DAP: variants seen among roughly 807,000 people sequenced by gnomAD.
The protein encoded by DAP is death-associated protein 1.
DAP carries 8 observed loss-of-function variants against 13.8 expected under a neutral mutation model. The ratio of observed to expected loss-of-function variants is 0.58; its 90% CI spans 0.34 to 1.05. The LOEUF (loss-of-function observed/expected upper bound fraction) is 1.05, where lower values mean the gene tolerates loss of function less well. Ranked by LOEUF, DAP falls within the 50% of genes least tolerant of loss-of-function variation. The pLI is 0.03. For synonymous variants in DAP, 47 were observed against 47.5 expected (o/e 0.99, Z 0.04); for missense variants, 106 against 133.2 (o/e 0.80, Z 1.01).
intron 2 of DAP, among the ~76,000 whole-genome samples, chr5:10,744,240 G>A (rs750944557): frequency 6.6e-6 from 1 of 152,176 alleles, no homozygotes; most frequent in Non-Finnish European, 1.5e-5. Context: ...GGCATTTGGT[G>A]TTAGGTACTC....
At chr5:10,702,169 C>T (rs1561012833) in intron 2 of DAP, among the ~76,000 whole-genome samples, 1 of 152,190 alleles carries the variant, frequency 6.6e-6, no homozygotes, top group Admixed American at 6.5e-5. Flanking sequence ...GTGTGCCCAG[C>T]GCCTGGCACA....
intron 1 of DAP, among the ~76,000 whole-genome samples, chr5:10,758,796 GTAAA>G (rs1740263802): frequency 6.6e-6 from 1 of 152,168 alleles, no homozygotes; most frequent in African/African-American, 2.4e-5. Flanking sequence ...CTCCTCAGGG[GTAAA>G]TAAACTACTT....
At chr5:10,702,358 G>A (rs535131888) in intron 2 of DAP, among the ~76,000 whole-genome samples, 10 of 151,964 alleles carry the variant, frequency 6.6e-5, no homozygotes, top group Admixed American at 1.3e-4. Flanking sequence ...TGCCCTGCCC[G>A]CCTCAAAGGC....
At chr5:10,756,793 G>A (rs190389593) in intron 1 of DAP, among the ~76,000 whole-genome samples, 3 of 152,320 alleles carry the variant, frequency 2.0e-5, no homozygotes, top group East Asian at 1.9e-4. Context: ...GAGTAATAGC[G>A]AGGCTTATAA....
chr5:10,688,797 C>A (rs554580691), intron 2 of DAP, among the ~76,000 whole-genome samples: 7 of 151,648 alleles, frequency 4.6e-5, no homozygotes, highest in African/African-American at 7.2e-5. Flanking sequence ...GAGTGGAACT[C>A]CAGGACGCAG....
intron 1 of DAP, among the ~76,000 whole-genome samples, chr5:10,760,148 A>G (rs1241599937): frequency 6.6e-6 from 1 of 152,170 alleles, no homozygotes; most frequent in Non-Finnish European, 1.5e-5. Context: ...TGAGTTTATG[A>G]CACTAAGGCG....
At chr5:10,717,658 T>C (rs1348057840) in intron 2 of DAP, among the ~76,000 whole-genome samples, 1 of 152,194 alleles carries the variant, frequency 6.6e-6, no homozygotes, top group African/African-American at 2.4e-5. Flanking sequence ...CTCCTCAGAA[T>C]CCACCCCAAT....
chr5:10,754,601 C>T (rs1253608309), intron 1 of DAP, among the ~76,000 whole-genome samples: 1 of 152,204 alleles, frequency 6.6e-6, no homozygotes, highest in Non-Finnish European at 1.5e-5. Flanking sequence ...AAAATGAGTA[C>T]TGACTGGGCC....
In DAP at chr5:10,747,970, A is replaced by G. The variant is rs941565708; in HGVS notation, c.152+205T>C. On this transcript the variant is annotated intron_variant, in intron 2 of 3. Coordinates refer to ENST00000230895, the MANE Select transcript of DAP (RefSeq NM_004394.3). ...CAGGGTGGGCGCGTGGCAACTGCTC[A>G]GGAAAGAGGACCTCTAGGGGCTCTA... 1.2e-5 allele frequency: 6 copies of G among 508,404 alleles called. No individual in the cohort carries two copies. The Admixed American group carries it at 1.3e-4, about 11-fold the overall frequency. The allele number at this position is 508,404 out of a possible 1,614,324, so 31.5% of individuals were successfully genotyped here.
intron 2 of DAP, among the ~76,000 whole-genome samples, chr5:10,738,300 C>T (rs561034109): frequency 1.2e-4 from 19 of 152,368 alleles, no homozygotes; most frequent in East Asian, 3.9e-4. Flanking sequence ...ACACAATACT[C>T]ATAGAGTTGC....
intron 2 of DAP, among the ~76,000 whole-genome samples, chr5:10,684,432 C>T (rs770828453): frequency 1.6e-4 from 25 of 152,040 alleles, no homozygotes; most frequent in Non-Finnish European, 2.9e-4. Flanking sequence ...CCTAAACTGC[C>T]GAGTATTGAG....
intron 2 of DAP, among the ~76,000 whole-genome samples, chr5:10,694,115 C>T (rs946163920): frequency 1.3e-5 from 2 of 151,972 alleles, no homozygotes; most frequent in African/African-American, 4.8e-5. Context: ...TCCTCAGTCT[C>T]GGGAACAAAA....
intron 2 of DAP, among the ~76,000 whole-genome samples, chr5:10,689,430 C>A (rs937999594): frequency 6.6e-6 from 1 of 152,136 alleles, no homozygotes; most frequent in Non-Finnish European, 1.5e-5. Context: ...CAGGTTGCAG[C>A]GTCTAAGAGT....
chr5:10,716,008 T>A (rs916884059), intron 2 of DAP, among the ~76,000 whole-genome samples: 2 of 152,238 alleles, frequency 1.3e-5, no homozygotes, highest in African/African-American at 4.8e-5. Context: ...CCAGGGCTGC[T>A]TTCATTAATT....
intron 2 of DAP, among the ~76,000 whole-genome samples, chr5:10,746,296 CAGTA>C (rs1739903106): frequency 1.3e-5 from 2 of 150,974 alleles, no homozygotes; most frequent in African/African-American, 4.9e-5. Flanking sequence ...TTTGTGAATA[CAGTA>C]AGTGAGAAAA....
chr5:10,706,196 T>C (rs778337480), intron 2 of DAP, among the ~76,000 whole-genome samples: 2 of 152,230 alleles, frequency 1.3e-5, no homozygotes, highest in African/African-American at 2.4e-5. Flanking sequence ...GGTGCTTGAC[T>C]ATAAAATGAT....
chr5:10,745,297 G>C (rs1739872175), intron 2 of DAP, among the ~76,000 whole-genome samples: 1 of 152,136 alleles, frequency 6.6e-6, no homozygotes, highest in Non-Finnish European at 1.5e-5. Context: ...GTGTCGAGTT[G>C]TTTAACCCAC....
intron 2 of DAP, among the ~76,000 whole-genome samples, chr5:10,711,473 T>C (rs1489548695): frequency 1.3e-5 from 2 of 152,252 alleles, no homozygotes; most frequent in Non-Finnish European, 2.9e-5. Flanking sequence ...TCCTAATGAC[T>C]GCCCCCACAC....
chr5:10,737,874 G>A (rs1415150797), intron 2 of DAP, among the ~76,000 whole-genome samples: 1 of 152,208 alleles, frequency 6.6e-6, no homozygotes, highest in African/African-American at 2.4e-5. Flanking sequence ...ATCAGGATGG[G>A]TCCTAATCCA....
Sources: allele counts gnomAD v4.1 joint callset (sites outside exome capture counted in the v4.1 genomes callset), GRCh38; gene constraint gnomAD v4.1.1; transcripts MANE v1.5; gene names NCBI Gene and HGNC (gene_info 2026-07-23, HGNC 2026-07-21).